Variants in AARS1 observed in about 807,000 individuals in gnomAD.
The protein encoded by AARS1 is alanyl-tRNA synthetase 1, also known as alanine--tRNA ligase, cytoplasmic.
Under a neutral mutation model 108.9 loss-of-function variants are expected in AARS1, and 72 were observed. That is an observed-to-expected ratio of 0.66 (90% CI 0.55 to 0.80). The LOEUF (loss-of-function observed/expected upper bound fraction) is 0.80. Among genes scored for constraint, AARS1 ranks in the 30% least tolerant of loss-of-function variants. The pLI is 0.00. For synonymous variants in AARS1, 489 were observed against 465.7 expected (o/e 1.05, Z -0.64); for missense variants, 1,193 against 1,233.2 (o/e 0.97, Z 0.49).
intron 7 of AARS1, 25 bp downstream of exon 7, chr16:70,269,586 TCCAAACA>T (rs1449522326): frequency 6.2e-7 from 1 of 1,612,490 alleles, no homozygotes; most frequent in East Asian, 2.2e-5. Context: ...GTGGTGCCGC[TCCAAACA>T]CCACCCAGTG....
At chr16:70,262,999 C>CAAAAAAAA (rs1261516074) in intron 11 of AARS1, among the ~76,000 whole-genome samples, 1 of 52,326 alleles carries the variant, frequency 1.9e-5, no homozygotes, top group Non-Finnish European at 4.0e-5. Context: ...AAAAAAAAAA[C>CAAAAAAAA]AACAACAACA....
intron 4 of AARS1, 75 bp from the exon 5 acceptor site, chr16:70,272,047 AG>A: frequency 7.1e-7 from 1 of 1,415,496 alleles, no homozygotes; most frequent in Non-Finnish European, 1.0e-6. Flanking sequence ...CCACCGCAAA[AG>A]AAATTCTTAG....
chr16:70,274,194 A>G (rs1960482090), intron 4 of AARS1, among the ~76,000 whole-genome samples: 1 of 148,710 alleles, frequency 6.7e-6, no homozygotes, highest in Admixed American at 6.7e-5. Context: ...AAAAAAAATT[A>G]GCTGGGTGTG....
chr16:70,285,262 G>A (rs1263660878), intron 1 of AARS1, among the ~76,000 whole-genome samples: 1 of 151,444 alleles, frequency 6.6e-6, no homozygotes, highest in African/African-American at 2.4e-5. Context: ...TGAAGGAACA[G>A]AATGGATAAT....
chr16:70,253,603 C>G, intron 19 of AARS1, 111 bp downstream of exon 19: 1 of 1,304,996 alleles, frequency 7.7e-7, no homozygotes, highest in South Asian at 1.2e-5. Flanking sequence ...CAATCTCAAT[C>G]CCAGACCGTG....
rs953969808 is a variant in AARS1, at chr16:70,252,486, G to C, written c.*235C>G. On this transcript the variant is annotated 3_prime_UTR_variant, in exon 21 of 21. Coordinates refer to ENST00000261772, the MANE Select transcript of AARS1 (RefSeq NM_001605.3). ...GGAGAGCCGTTATCTATAGATGCGA[G>C]CGTGACGATCAACAGCAATGCGGGG... 1.0e-5 allele frequency: 6 copies of C among 577,636 alleles called. No individual in the cohort carries two copies. Among genetic ancestry groups the C allele is most frequent in the Non-Finnish European group, 1.9e-5 (6 of 322,796 alleles). The allele number at this position is 577,636 out of a possible 1,614,324, so 35.8% of individuals were successfully genotyped here.
At chr16:70,257,635 C>G (rs1304329977) in intron 15 of AARS1, among the ~76,000 whole-genome samples, 1 of 152,098 alleles carries the variant, frequency 6.6e-6, no homozygotes, top group African/African-American at 2.4e-5. Flanking sequence ...GCCGCCCAAG[C>G]TGTCAAAGGA....
At chr16:70,275,367 G>C (rs1960513744) in intron 4 of AARS1, among the ~76,000 whole-genome samples, 1 of 152,086 alleles carries the variant, frequency 6.6e-6, no homozygotes, top group African/African-American at 2.4e-5. Context: ...TGTAATCCCA[G>C]CACTTTGGGA....
In AARS1 at chr16:70,270,884, C is replaced by T. The variant is rs551247562; in HGVS notation, c.672-544G>A. On this transcript the variant is annotated intron_variant, in intron 5 of 20. Coordinates refer to ENST00000261772, the MANE Select transcript of AARS1 (RefSeq NM_001605.3). Reference sequence around the variant, plus strand: ...AAGAAAAAGACTGGGCATGGTGGCTCACGCCTGTAATACCAGCATTTTGGG... The same window carrying T: ...AAGAAAAAGACTGGGCATGGTGGCTTACGCCTGTAATACCAGCATTTTGGG... Among the ~76,000 whole-genome samples, 76 of 137,174 alleles carry T rather than the reference C, an allele frequency of 5.5e-4. No individual in the cohort carries two copies. In the South Asian group the frequency reaches 9.4e-3, roughly 17 times the overall value. The allele number at this position is 137,174 out of a possible 152,430, so 90.0% of individuals were successfully genotyped here.
chr16:70,263,385 A>C (rs1567605040), intron 11 of AARS1, among the ~76,000 whole-genome samples: 1 of 152,068 alleles, frequency 6.6e-6, no homozygotes, highest in African/African-American at 2.4e-5. Flanking sequence ...CAGCCTGGCC[A>C]ACACGGTGAA....
intron 4 of AARS1, among the ~76,000 whole-genome samples, chr16:70,272,924 A>ACACACACACACACACACACAC (rs1567608986): frequency 1.3e-5 from 2 of 150,902 alleles, no homozygotes; most frequent in African/African-American, 4.9e-5. Flanking sequence ...ACACACACAC[A>ACACACACACACACACACACAC]AAAGATTGTG....
At position 70,259,056 on chromosome 16, in the gene AARS1, G is replaced by A. The variant is rs762373456; in HGVS notation, c.1916C>T (p.Thr639Ile). The A allele has an allele frequency of 1.4e-5, 22 of 1,614,188 alleles. No homozygotes were observed. Among genetic ancestry groups the A allele is most frequent in the South Asian group, 3.3e-5 (3 of 91,086 alleles). Residue 639 changes from threonine to isoleucine, a missense_variant, in exon 14 of 21, where the codon ACT becomes ATT. By Grantham distance (89) the Thr-to-Ile change is moderately conservative. Transcript: ENST00000261772. ...TTGGGTGGACATGGCTCCCTTGGCA[G>A]TAAAGTCAAATCTGAGGCGGTCAGG... is the stretch of plus-strand genomic sequence containing the variant. ...VAPDRLRFDF[T>I]AKGAMSTQQI...
At position 70,258,098 on chromosome 16, in the gene AARS1, G is replaced by C. The variant is rs936240936; in HGVS notation, c.2112C>G (p.Ser704=). The change falls in exon 15 of 21, where the codon TCC becomes TCG. Residue 704 remains serine, a synonymous_variant. Coordinates refer to ENST00000261772, the MANE Select transcript of AARS1 (RefSeq NM_001605.3). ...GCCCAGAGGGGTCATCCAGCAACTC[G>C]GACACCGGGACCCCAATGGAGACGA... ...VRVVSIGVPV[S]ELLDDPSGPA... 17 of 1,614,012 alleles carry C rather than the reference G, an allele frequency of 1.1e-5. No homozygotes were observed. The East Asian group carries it at 3.6e-4, about 34-fold the overall frequency.
chr16:70,270,837 C>CAAA (rs1158290824), intron 5 of AARS1, among the ~76,000 whole-genome samples: 2 of 53,450 alleles, frequency 3.7e-5, no homozygotes, highest in Non-Finnish European at 8.0e-5. Context: ...AACTCCATCT[C>CAAA]AAAAAAAAAA....
At chr16:70,263,001 A>G (rs1334025671) in intron 11 of AARS1, among the ~76,000 whole-genome samples, 2 of 147,028 alleles carry the variant, frequency 1.4e-5, no homozygotes, top group African/African-American at 5.0e-5. Context: ...AAAAAAAACA[A>G]CAACAACAAA....
At chr16:70,273,623 G>A (rs1454254782) in intron 4 of AARS1, among the ~76,000 whole-genome samples, 2 of 152,044 alleles carry the variant, frequency 1.3e-5, no homozygotes, top group African/African-American at 4.8e-5. Flanking sequence ...AGCACTTTGG[G>A]AGGCCAAGGC....
chr16:70,253,609 C>A, intron 19 of AARS1, 105 bp downstream of exon 19: 1 of 1,329,984 alleles, frequency 7.5e-7, no homozygotes, highest in Non-Finnish European at 1.1e-6. Flanking sequence ...CAATCCCAGA[C>A]CGTGGGCCCT....
chr16:70,255,231 G>A lies in AARS1; in HGVS notation c.2286+497C>T, dbSNP rs1344856819. Among the ~76,000 whole-genome samples, 8 of 124,700 alleles carry A rather than the reference G, an allele frequency of 6.4e-5. No homozygotes were observed. In the South Asian group the frequency reaches 9.7e-4, roughly 15 times the overall value. The allele number at this position is 124,700 out of a possible 152,430, so 81.8% of individuals were successfully genotyped here. ...TTTTTTTTTTTGGAGACGGAGTCTC[G>A]CCCCGTCACCCAAGCTGGAACGCAG... On this transcript the variant is annotated intron_variant, in intron 16 of 20. Transcript: ENST00000261772.
At chr16:70,276,726 A>C (rs535793091) in intron 3 of AARS1, 95 bp from the exon 4 acceptor site, 6 of 1,399,630 alleles carry the variant, frequency 4.3e-6, no homozygotes, top group Non-Finnish European at 6.0e-6. Context: ...ACAAAATCAC[A>C]ACATGTTCAC....
Sources: allele counts gnomAD v4.1 joint callset (sites outside exome capture counted in the v4.1 genomes callset), GRCh38; gene constraint gnomAD v4.1.1; transcripts MANE v1.5; gene names NCBI Gene and HGNC (gene_info 2026-07-23, HGNC 2026-07-21).